PRKCB: variants seen among roughly 807,000 people sequenced by gnomAD.
PRKCB encodes the protein protein kinase C beta.
A neutral mutation model predicts 81.5 loss-of-function variants in PRKCB; 13 were observed. That is an observed-to-expected ratio of 0.16 (90% confidence interval 0.10 to 0.25). The LOEUF is 0.25. PRKCB is among the 10% of genes least tolerant of loss of function. The pLI, the probability that PRKCB is intolerant of heterozygous loss-of-function variation, is 1.00. For synonymous variants in PRKCB, 335 were observed against 321.4 expected (o/e 1.04, Z -0.45); for missense variants, 509 against 875.7 (o/e 0.58, Z 5.29).
intron 2 of PRKCB, among the ~76,000 whole-genome samples, chr16:23,882,548 A>G (rs934598535): frequency 1.3e-5 from 2 of 152,156 alleles, no homozygotes; most frequent in African/African-American, 4.8e-5. Context: ...TGACTGGTTT[A>G]TTTCACTTAG....
At chr16:23,975,074 A>C (rs2560401) in intron 2 of PRKCB, among the ~76,000 whole-genome samples, 140,641 of 152,242 alleles carry the variant, frequency 0.92, 65,193 homozygotes, top group East Asian at 1. Context: ...ACCAGAGAAA[A>C]GGGAGTGGAC....
At chr16:23,983,263 A>T (rs1005299413) in intron 2 of PRKCB, among the ~76,000 whole-genome samples, 2 of 152,204 alleles carry the variant, frequency 1.3e-5, no homozygotes. Flanking sequence ...TTAATGGGAA[A>T]TTTGATTTGC....
intron 2 of PRKCB, among the ~76,000 whole-genome samples, chr16:23,846,886 C>A: frequency 6.6e-6 from 1 of 152,056 alleles, no homozygotes; most frequent in East Asian, 1.9e-4. Flanking sequence ...AAGTGCTAAG[C>A]TGTTAATCAT....
chr16:24,185,030 C>G (rs1967681927), intron 13 of PRKCB, 81 bp from the exon 14 acceptor site: 1 of 1,210,540 alleles, frequency 8.3e-7, no homozygotes, highest in African/African-American at 1.5e-5. Context: ...CACTGGCCTT[C>G]TTGTAAAAGA....
chr16:23,862,536 G>T (rs1962688088), intron 2 of PRKCB, among the ~76,000 whole-genome samples: 1 of 152,142 alleles, frequency 6.6e-6, no homozygotes, highest in Admixed American at 6.6e-5. Context: ...CTTCTTCCAA[G>T]TTTCAACCTC....
Position 24,217,271 on chromosome 16 carries a change from C to T in PRKCB, c.*2455C>T, listed in dbSNP as rs1284040446. On this transcript the variant is annotated 3_prime_UTR_variant, in exon 17 of 17. Transcript: ENST00000643927. ...TTAATAGTTTGCAGAAATAGATACT[C>T]AAGCCAAAGTCTGTTTTAGAGAAAC... The T allele has an allele frequency of 2.0e-6, 2 of 985,254 alleles. No homozygotes were observed. The highest frequency in any genetic ancestry group is 2.4e-6 in the Non-Finnish European group (2 of 829,898). The allele number at this position is 985,254 out of a possible 1,614,324, so 61.0% of individuals were successfully genotyped here.
intron 9 of PRKCB, among the ~76,000 whole-genome samples, chr16:24,133,026 A>G (rs1966855812): frequency 1.3e-5 from 2 of 152,084 alleles, no homozygotes; most frequent in South Asian, 4.1e-4. Context: ...TCACAAACAT[A>G]TTCTAGGAGG....
intron 2 of PRKCB, among the ~76,000 whole-genome samples, chr16:23,974,239 G>T (rs948182500): frequency 6.6e-6 from 1 of 152,100 alleles, no homozygotes; most frequent in East Asian, 1.9e-4. Flanking sequence ...TTGGCTTGGG[G>T]CATGTTCTGT....
At chr16:24,021,002 T>C (rs1241833154) in intron 3 of PRKCB, among the ~76,000 whole-genome samples, 1 of 139,858 alleles carries the variant, frequency 7.2e-6, no homozygotes, top group African/African-American at 2.8e-5. Flanking sequence ...CTTTCTTTCT[T>C]TCTTTCTTTC....
intron 2 of PRKCB, among the ~76,000 whole-genome samples, chr16:23,924,254 C>G (rs1416318549): frequency 6.6e-6 from 1 of 152,064 alleles, no homozygotes; most frequent in African/African-American, 2.4e-5. Flanking sequence ...GCTTGCTTCC[C>G]CTTCGCCTTC....
intron 13 of PRKCB, among the ~76,000 whole-genome samples, chr16:24,183,034 A>AT (rs1967651694): frequency 6.6e-6 from 1 of 151,368 alleles, no homozygotes; most frequent in Non-Finnish European, 1.5e-5. Flanking sequence ...TTTTTTTTGT[A>AT]TTTTTTTAGT....
At chr16:24,052,973 C>G (rs770234569) in intron 5 of PRKCB, among the ~76,000 whole-genome samples, 5 of 152,222 alleles carry the variant, frequency 3.3e-5, no homozygotes, top group Admixed American at 6.5e-5. Context: ...CTGAGAACCA[C>G]TGCATTGGAA....
At chr16:23,863,807 C>A (rs1012868075) in intron 2 of PRKCB, among the ~76,000 whole-genome samples, 3 of 152,204 alleles carry the variant, frequency 2.0e-5, no homozygotes. Context: ...TAGAAACTAT[C>A]CATCAGCACC....
At chr16:24,153,669 G>T (rs1438470966) in intron 9 of PRKCB, among the ~76,000 whole-genome samples, 1 of 152,156 alleles carries the variant, frequency 6.6e-6, no homozygotes, top group Non-Finnish European at 1.5e-5. Flanking sequence ...GGGAGAGGGG[G>T]TGACACGCAG....
chr16:24,188,825 T>A (rs1467980070), intron 15 of PRKCB, among the ~76,000 whole-genome samples: 1 of 152,164 alleles, frequency 6.6e-6, no homozygotes, highest in African/African-American at 2.4e-5. Flanking sequence ...TGCACCCACA[T>A]CCTTTACCTG....
chr16:23,942,231 G>A lies in PRKCB; in HGVS notation c.206-46277G>A, dbSNP rs542831798. 2.7e-4 allele frequency among the ~76,000 whole-genome samples: 41 copies of A among 152,354 alleles called. No homozygotes were observed. In the South Asian group the frequency reaches 8.1e-3, roughly 30 times the overall value. On this transcript the variant is annotated intron_variant, in intron 2 of 16. Transcript: ENST00000643927. The stretch of plus-strand genomic sequence containing the variant: ...CTGTAGTCCTCTACTACAGAGGGAA[G>A]TGTAGGAAACTGGAATATTAACCAT...
chr16:23,857,236 G>C (rs1962583083), intron 2 of PRKCB, among the ~76,000 whole-genome samples: 1 of 152,220 alleles, frequency 6.6e-6, no homozygotes, highest in African/African-American at 2.4e-5. Flanking sequence ...CTCGGGTGAA[G>C]TGTCAGAGAG....
At chr16:24,079,340 C>G (rs1346794407) in intron 5 of PRKCB, among the ~76,000 whole-genome samples, 3 of 152,174 alleles carry the variant, frequency 2.0e-5, no homozygotes, top group African/African-American at 7.2e-5. Context: ...GTTGCAAAAC[C>G]CTCAGAAGTC....
chr16:23,889,282 G>A (rs1963254617), intron 2 of PRKCB, among the ~76,000 whole-genome samples: 1 of 152,162 alleles, frequency 6.6e-6, no homozygotes. Flanking sequence ...TCTTGGTTCA[G>A]TTTTAAAACC....
Sources: gnomAD v4.1 joint callset for allele counts (sites outside exome capture counted in the v4.1 genomes callset) on GRCh38, gnomAD v4.1.1 for gene constraint, MANE v1.5 for transcripts, NCBI Gene and HGNC (gene_info 2026-07-23, HGNC 2026-07-21) for gene names.